AVL9: variants seen among roughly 807,000 people sequenced by gnomAD.
The protein encoded by AVL9 is late secretory pathway protein AVL9 homolog.
AVL9 carries 49 observed loss-of-function variants against 79.2 expected under a neutral mutation model. The ratio of observed to expected loss-of-function variants is 0.62; its 90% CI spans 0.49 to 0.79. The LOEUF (loss-of-function observed/expected upper bound fraction) is 0.79. Among genes scored for constraint, AVL9 ranks in the 30% least tolerant of loss-of-function variants. AVL9 has a pLI of 0.00. For missense variants in AVL9, 682 were observed against 776.8 expected (o/e 0.88, Z 1.45); for synonymous variants, 299 against 280.6 (o/e 1.07, Z -0.65).
At chr7:32,559,567 A>T in intron 10 of AVL9, 103 bp downstream of exon 10, 1 of 1,219,588 alleles carries the variant, frequency 8.2e-7, no homozygotes, top group Non-Finnish European at 1.1e-6. Flanking sequence ...CAGGTGGAAA[A>T]ATTTCCTTGA....
chr7:32,529,814 C>A (rs1788568344), intron 1 of AVL9, among the ~76,000 whole-genome samples: 2 of 152,168 alleles, frequency 1.3e-5, no homozygotes, highest in Admixed American at 6.5e-5. Context: ...AAACAGAGAA[C>A]AATTCCAGTG....
At chr7:32,551,964 C>G (rs528971713) in intron 5 of AVL9, among the ~76,000 whole-genome samples, 1 of 151,884 alleles carries the variant, frequency 6.6e-6, no homozygotes, top group African/African-American at 2.4e-5. Context: ...TGTGAATGAA[C>G]CACGCTCTAA....
At chr7:32,562,371 A>G (rs1194815822) in intron 10 of AVL9, among the ~76,000 whole-genome samples, 1 of 152,252 alleles carries the variant, frequency 6.6e-6, no homozygotes, top group Non-Finnish European at 1.5e-5. Context: ...GTATTTACTA[A>G]GTATACTTAA....
intron 6 of AVL9, among the ~76,000 whole-genome samples, chr7:32,552,755 A>C (rs758152859): frequency 6.6e-6 from 1 of 152,000 alleles, no homozygotes; most frequent in African/African-American, 2.4e-5. Context: ...TGTAGAGACA[A>C]GGTGTCCCTA....
chr7:32,521,350 G>A (rs993353531), intron 1 of AVL9, among the ~76,000 whole-genome samples: 4 of 152,162 alleles, frequency 2.6e-5, no homozygotes, highest in Admixed American at 6.5e-5. Flanking sequence ...TACTGATAAC[G>A]ATATGGACAG....
intron 7 of AVL9, 106 bp downstream of exon 7, chr7:32,553,873 G>A: frequency 1.4e-6 from 1 of 717,068 alleles, no homozygotes; most frequent in Non-Finnish European, 2.4e-6. Flanking sequence ...TAAATTGAAT[G>A]CAGATTGTGG....
intron 1 of AVL9, among the ~76,000 whole-genome samples, chr7:32,527,305 G>A (rs10274834): frequency 0.97 from 147,762 of 152,296 alleles, 71,827 homozygotes; most frequent in East Asian, 1. Context: ...AAAGAGTTCA[G>A]TTACTGATAG....
intron 10 of AVL9, chr7:32,562,746 C>A: frequency 3.4e-6 from 1 of 297,628 alleles, no homozygotes; most frequent in Non-Finnish European, 4.7e-6. Context: ...CAAAGCAAGA[C>A]GTCATCTCTA....
intron 1 of AVL9, among the ~76,000 whole-genome samples, chr7:32,520,997 T>C (rs1313837266): frequency 2.0e-5 from 3 of 152,156 alleles, no homozygotes; most frequent in Non-Finnish European, 2.9e-5. Flanking sequence ...TTTCTGCTTT[T>C]GCTCCTTCCT....
At position 32,495,782 on chromosome 7, in the gene AVL9, C is replaced by A; in HGVS notation, c.73C>A (p.His25Asn). The change falls in exon 1 of 16, where the codon CAC becomes AAC. Residue 25 changes from histidine to asparagine, a missense_variant. Coordinates refer to ENST00000318709, the MANE Select transcript of AVL9 (RefSeq NM_015060.3). The stretch of plus-strand genomic sequence containing the variant: ...ACTGCACATCGTGGTGGTCGGATTT[C>A]ACCACAAGAAGGGCTGCCAGGTGAG... ...PVLHIVVVGF[H>N]HKKGCQVEFS... 7.9e-7 allele frequency: 1 copy of A among 1,260,224 alleles called. No homozygotes were observed. Among genetic ancestry groups the A allele is most frequent in the Non-Finnish European group, 1.0e-6 (1 of 992,624 alleles). 78.1% of individuals were successfully genotyped at this position (1,260,224 alleles called of 1,614,324 possible). A position where few individuals can be genotyped will look rare whatever the true frequency, so the allele number is the denominator to read the frequency against.
At chr7:32,562,332 T>C (rs1393129727) in intron 10 of AVL9, among the ~76,000 whole-genome samples, 1 of 152,218 alleles carries the variant, frequency 6.6e-6, no homozygotes, top group Non-Finnish European at 1.5e-5. Context: ...AGGTAAGTTA[T>C]AACTAACAAA....
intron 1 of AVL9, among the ~76,000 whole-genome samples, chr7:32,505,384 C>T (rs1787362569): frequency 6.6e-6 from 1 of 151,448 alleles, no homozygotes. Flanking sequence ...ATTAGCCAGG[C>T]ATGTAGCAGG....
chr7:32,511,741 C>T (rs369529812), intron 1 of AVL9, among the ~76,000 whole-genome samples: 2 of 151,830 alleles, frequency 1.3e-5, no homozygotes, highest in African/African-American at 2.4e-5. Context: ...ACAGCTTGGA[C>T]GGTCCTGGAG....
chr7:32,549,918 CA>C (rs56035733), intron 4 of AVL9, among the ~76,000 whole-genome samples: 22 of 131,466 alleles, frequency 1.7e-4, no homozygotes, highest in Non-Finnish European at 1.9e-4. Flanking sequence ...GACTCCGTCT[CA>C]AAAAAAAAAA....
chr7:32,579,369 AAT>A lies in AVL9; in HGVS notation c.1689-845_1689-844del, dbSNP rs1310876535. Among the ~76,000 whole-genome samples, 19 of 53,716 alleles carry A rather than the reference AAT, an allele frequency of 3.5e-4. 4 individuals carry two copies. Among genetic ancestry groups the A allele is most frequent in the Admixed American group, 7.1e-4 (2 of 2,818 alleles). 35.2% of individuals were successfully genotyped at this position (53,716 alleles called of 152,430 possible). A position where few individuals can be genotyped will look rare whatever the true frequency, so the allele number is the denominator to read the frequency against. On this transcript the variant is annotated intron_variant, in intron 13 of 15. Coordinates refer to ENST00000318709, the MANE Select transcript of AVL9 (RefSeq NM_015060.3). ...ATTTTATATAATATATAACATATAT[AAT>A]ATATGTTATATAACATATTATATGT... is the stretch of plus-strand genomic sequence containing the variant.
In AVL9 at chr7:32,567,014, A is replaced by G. The variant is rs576668468; in HGVS notation, c.1216-3006A>G. On this transcript the variant is annotated intron_variant, in intron 10 of 15. Coordinates refer to ENST00000318709, the MANE Select transcript of AVL9 (RefSeq NM_015060.3). The stretch of plus-strand genomic sequence containing the variant: ...GCCATTTCTTTGTTTGGCTTTTATT[A>G]TATCTGGTACTTTTTTAAAAAATAC... Among the ~76,000 whole-genome samples, 8 of 152,308 alleles carry G rather than the reference A, an allele frequency of 5.3e-5. No homozygotes were observed. In the South Asian group the frequency reaches 1.4e-3, roughly 28 times the overall value.
At chr7:32,577,811 G>A (rs1256401022) in intron 13 of AVL9, among the ~76,000 whole-genome samples, 1 of 152,190 alleles carries the variant, frequency 6.6e-6, no homozygotes, top group East Asian at 1.9e-4. Flanking sequence ...GAAGGCTGAA[G>A]AAGGACTTGT....
rs79615958 is a variant in AVL9 at position 32,567,650 on chromosome 7, A to G, written c.1216-2370A>G. Reference sequence around the variant, plus strand: ...GCATATTTTCCCCTCCCTTTTTACAAATGGTAGCAGAATGTGCCCATTTTT... The same window carrying G: ...GCATATTTTCCCCTCCCTTTTTACAGATGGTAGCAGAATGTGCCCATTTTT... On this transcript the variant is annotated intron_variant, in intron 10 of 15. Coordinates refer to ENST00000318709, the MANE Select transcript of AVL9 (RefSeq NM_015060.3). 1.3e-3 allele frequency among the ~76,000 whole-genome samples: 204 copies of G among 151,684 alleles called. 2 individuals carry two copies. The East Asian group carries it at 0.038, about 28-fold the overall frequency.
At position 32,583,904 on chromosome 7, in the gene AVL9, T is replaced by A; in HGVS notation, c.1944T>A (p.Pro648=). Residue 648 remains proline, a synonymous_variant, in exon 16 of 16, where the codon CCT becomes CCA. Transcript: ENST00000318709. ...TCACTGAGCCACCAGATGAGAAGCC[T>A]TGAGCAAGGCGTCAGAGGCTGCTAT... ...QSLTEPPDEK[P] The A allele has an allele frequency of 6.2e-7, 1 of 1,611,026 alleles. No individual in the cohort carries two copies. Among genetic ancestry groups the A allele is most frequent in the African/African-American group, 1.3e-5 (1 of 74,970 alleles).
Sources: gnomAD v4.1 joint callset for allele counts (sites outside exome capture counted in the v4.1 genomes callset) on GRCh38, gnomAD v4.1.1 for gene constraint, MANE v1.5 for transcripts, NCBI Gene and HGNC (gene_info 2026-07-23, HGNC 2026-07-21) for gene names.